UNC5D: variants seen among roughly 807,000 people sequenced by gnomAD.
UNC5D encodes the protein netrin receptor UNC5D.
UNC5D carries 39 observed loss-of-function variants against 105.4 expected under a neutral mutation model. That is an observed-to-expected ratio of 0.37 (90% CI 0.29 to 0.48). The LOEUF is 0.48. Among genes scored for constraint, UNC5D ranks in the 20% least tolerant of loss-of-function variants. The pLI is 0.98. For missense variants in UNC5D, 991 were observed against 1,202.4 expected, an observed-to-expected ratio of 0.82 and a Z score of 2.60; for synonymous variants, 452 against 450.4, an observed-to-expected ratio of 1.00 and a Z score of -0.04.
At chr8:35,618,296 A>G (rs1821157498) in intron 4 of UNC5D, among the ~76,000 whole-genome samples, 1 of 152,208 alleles carries the variant, frequency 6.6e-6, no homozygotes, top group Admixed American at 6.5e-5. Flanking sequence ...TATTTTTAGA[A>G]GGATTATTAA....
At chr8:35,696,918 A>G (rs1426296798) in intron 7 of UNC5D, among the ~76,000 whole-genome samples, 1 of 152,074 alleles carries the variant, frequency 6.6e-6, no homozygotes, top group African/African-American at 2.4e-5. Context: ...GATCATTTAG[A>G]AAGATATCAT....
At chr8:35,348,558 GA>G (rs1206551792) in intron 1 of UNC5D, among the ~76,000 whole-genome samples, 1 of 151,702 alleles carries the variant, frequency 6.6e-6, no homozygotes, top group Non-Finnish European at 1.5e-5. Flanking sequence ...ATCTAGTCAT[GA>G]GAAAAGGAAC....
chr8:35,329,145 TA>T (rs1810403269), intron 1 of UNC5D, among the ~76,000 whole-genome samples: 1 of 152,154 alleles, frequency 6.6e-6, no homozygotes. Context: ...AAATAGATGT[TA>T]TTACTTCTCT....
intron 1 of UNC5D, among the ~76,000 whole-genome samples, chr8:35,303,256 T>C (rs1483130933): frequency 1.3e-5 from 2 of 152,182 alleles, no homozygotes; most frequent in Admixed American, 6.6e-5. Flanking sequence ...GTTGAAATAA[T>C]AGGTTTATAG....
At chr8:35,649,016 G>A (rs1360082242) in intron 4 of UNC5D, among the ~76,000 whole-genome samples, 1 of 152,090 alleles carries the variant, frequency 6.6e-6, no homozygotes, top group African/African-American at 2.4e-5. Context: ...ATTAGAAGGA[G>A]ATGGTACTTC....
chr8:35,485,366 C>T (rs1402830632), intron 1 of UNC5D, among the ~76,000 whole-genome samples: 1 of 152,100 alleles, frequency 6.6e-6, no homozygotes, highest in Non-Finnish European at 1.5e-5. Flanking sequence ...CATATATATC[C>T]CTTAAATGTA....
chr8:35,270,593 G>A (rs186681679), intron 1 of UNC5D, among the ~76,000 whole-genome samples: 1 of 152,164 alleles, frequency 6.6e-6, no homozygotes, highest in Admixed American at 6.5e-5. Flanking sequence ...TTGATAGACT[G>A]TATGTGTCAT....
intron 1 of UNC5D, chr8:35,525,291 G>A: frequency 6.8e-6 from 11 of 1,612,202 alleles, no homozygotes; most frequent in Non-Finnish European, 8.5e-6. Context: ...ATGGCTCAGT[G>A]CACTCCCCTC....
chr8:35,549,454 G>A lies in UNC5D; in HGVS notation c.266G>A (p.Gly89Asp). ...ATGCAGATATTCTTCAAATGCAACG[G>A]CGAGTGGGTCCATCAGAACGAGCAC... Reference protein sequence around the residue: ...PAMQIFFKCNGEWVHQNEHVS... With the variant: ...PAMQIFFKCNDEWVHQNEHVS... Residue 89 changes from glycine to aspartate, a missense_variant, in exon 2 of 17, where the codon GGC (glycine) becomes GAC (aspartate). Gly to Asp is a moderately conservative substitution (Grantham distance 94). Transcript: ENST00000404895. 1 of 1,612,730 alleles carries A rather than the reference G, an allele frequency of 6.2e-7. No individual in the cohort carries two copies. The highest frequency in any genetic ancestry group is 8.5e-7 in the Non-Finnish European group (1 of 1,179,966).
chr8:35,431,622 T>A (rs1806642487), intron 1 of UNC5D, among the ~76,000 whole-genome samples: 1 of 152,064 alleles, frequency 6.6e-6, no homozygotes, highest in African/African-American at 2.4e-5. Context: ...GGAGAAGAGC[T>A]TGAAAATAAC....
chr8:35,550,724 A>G (rs915151393), intron 2 of UNC5D, among the ~76,000 whole-genome samples: 8 of 152,212 alleles, frequency 5.3e-5, no homozygotes, highest in African/African-American at 1.7e-4. Context: ...ATTATACAGA[A>G]GATTTGTTTC....
chr8:35,731,679 C>T (rs1012356866), intron 11 of UNC5D, among the ~76,000 whole-genome samples: 1 of 152,150 alleles, frequency 6.6e-6, no homozygotes, highest in East Asian at 1.9e-4. Flanking sequence ...ACTCCATAAA[C>T]GCTGACTGTC....
At chr8:35,276,086 G>A (rs1805759006) in intron 1 of UNC5D, among the ~76,000 whole-genome samples, 1 of 152,044 alleles carries the variant, frequency 6.6e-6, no homozygotes. Context: ...TTTATTGGCA[G>A]GTTGTGAAGA....
intron 1 of UNC5D, among the ~76,000 whole-genome samples, chr8:35,426,182 A>G (rs529755135): frequency 5.3e-5 from 8 of 152,268 alleles, no homozygotes; most frequent in Admixed American, 1.3e-4. Context: ...TCTTCCCACC[A>G]CCATCAAAAT....
chr8:35,246,681 A>G (rs1243190191), intron 1 of UNC5D, among the ~76,000 whole-genome samples: 1 of 152,100 alleles, frequency 6.6e-6, no homozygotes, highest in Admixed American at 6.6e-5. Flanking sequence ...ACTCCAGCAA[A>G]ACTCACAAGA....
At chr8:35,609,914 T>TG (rs1030389521) in intron 4 of UNC5D, among the ~76,000 whole-genome samples, 1 of 152,132 alleles carries the variant, frequency 6.6e-6, no homozygotes, top group African/African-American at 2.4e-5. Context: ...AAAGTCACCT[T>TG]GGGGGGCATG....
chr8:35,383,918 A>G (rs896582944), intron 1 of UNC5D, among the ~76,000 whole-genome samples: 6 of 151,910 alleles, frequency 3.9e-5, no homozygotes, highest in African/African-American at 9.7e-5. Flanking sequence ...GTCTCTACTG[A>G]AAAAATAAAA....
At chr8:35,376,896 C>A (rs1007991923) in intron 1 of UNC5D, among the ~76,000 whole-genome samples, 3 of 152,152 alleles carry the variant, frequency 2.0e-5, no homozygotes, top group Non-Finnish European at 2.9e-5. Context: ...TAAGGACCAG[C>A]AAAAGTCATA....
chr8:35,274,526 C>G (rs1201085608), intron 1 of UNC5D, among the ~76,000 whole-genome samples: 1 of 152,128 alleles, frequency 6.6e-6, no homozygotes, highest in Non-Finnish European at 1.5e-5. Flanking sequence ...GCCTAGAAGA[C>G]GACGGCCTGT....
Sources: gnomAD v4.1 joint callset for allele counts (sites outside exome capture counted in the v4.1 genomes callset) on GRCh38, gnomAD v4.1.1 for gene constraint, MANE v1.5 for transcripts, NCBI Gene and HGNC (gene_info 2026-07-23, HGNC 2026-07-21) for gene names.